RAD51B: variants seen among roughly 807,000 people sequenced by gnomAD.
RAD51B encodes the protein DNA repair protein RAD51 homolog 2.
RAD51B carries 38 observed loss-of-function variants against 42.2 expected under a neutral mutation model. The observed-to-expected ratio is 0.90, with a 90% CI of 0.70 to 1.18. The LOEUF (loss-of-function observed/expected upper bound fraction) is 1.18, where lower values mean the gene tolerates loss of function less well. Ranked by LOEUF, RAD51B falls within the 50% of genes most tolerant of loss-of-function variation. The probability of loss-of-function intolerance (pLI) is 0.00; values close to 1 mark genes in which losing one functional copy is unlikely to be tolerated. For synonymous variants in RAD51B, 154 were observed against 145.2 expected (o/e 1.06, Z -0.43); for missense variants, 373 against 400.7 (o/e 0.93, Z 0.59).
intron 7 of RAD51B, among the ~76,000 whole-genome samples, chr14:68,161,512 C>A (rs564732814): frequency 6.6e-6 from 1 of 152,262 alleles, no homozygotes; most frequent in South Asian, 2.1e-4. Context: ...TTCATGTGTT[C>A]AACCCTGGGT....
intron 7 of RAD51B, among the ~76,000 whole-genome samples, chr14:67,924,803 C>G (rs1227383741): frequency 6.6e-6 from 1 of 152,196 alleles, no homozygotes; most frequent in Non-Finnish European, 1.5e-5. Flanking sequence ...CCTCACATTT[C>G]AAAACCAATC....
intron 7 of RAD51B, among the ~76,000 whole-genome samples, chr14:67,950,768 CT>C (rs2074428960): frequency 6.6e-6 from 1 of 152,148 alleles, no homozygotes; most frequent in Non-Finnish European, 1.5e-5. Context: ...GTTCCTCTTT[CT>C]TGAACATTTA....
intron 8 of RAD51B, among the ~76,000 whole-genome samples, chr14:68,406,489 A>G (rs1435881211): frequency 4.6e-5 from 7 of 152,192 alleles, no homozygotes; most frequent in Non-Finnish European, 1.0e-4. Flanking sequence ...TAAAAATGGT[A>G]CACCTGTGTA....
At chr14:68,313,581 G>C (rs999929273) in intron 8 of RAD51B, among the ~76,000 whole-genome samples, 2 of 152,174 alleles carry the variant, frequency 1.3e-5, no homozygotes, top group Non-Finnish European at 2.9e-5. Flanking sequence ...CTTGTCTGCT[G>C]TGCAAACTTG....
intron 7 of RAD51B, among the ~76,000 whole-genome samples, chr14:67,954,139 A>C (rs2074504462): frequency 6.6e-6 from 1 of 152,144 alleles, no homozygotes; most frequent in African/African-American, 2.4e-5. Flanking sequence ...GTAACGCTCT[A>C]ACTCAAATTA....
chr14:68,191,029 C>G (rs1595531306), intron 7 of RAD51B, among the ~76,000 whole-genome samples: 2 of 56,670 alleles, frequency 3.5e-5, no homozygotes, highest in East Asian at 3.7e-3. Context: ...TATATTACTA[C>G]AAGCTTTTTT....
At chr14:68,494,837 A>T (rs1884379614) in intron 10 of RAD51B, among the ~76,000 whole-genome samples, 1 of 151,992 alleles carries the variant, frequency 6.6e-6, no homozygotes, top group Non-Finnish European at 1.5e-5. Flanking sequence ...AAGCCCAGCA[A>T]GCAGAGTATG....
intron 10 of RAD51B, among the ~76,000 whole-genome samples, chr14:68,515,161 T>C (rs1241627005): frequency 3.3e-5 from 5 of 152,242 alleles, no homozygotes; most frequent in African/African-American, 1.2e-4. Flanking sequence ...CTTACTAACC[T>C]TTCCTTTAGT....
chr14:68,375,254 C>T (rs1396340956), intron 8 of RAD51B, among the ~76,000 whole-genome samples: 6 of 151,996 alleles, frequency 3.9e-5, no homozygotes, highest in South Asian at 2.1e-4. Context: ...CCTCCTTCCC[C>T]GCTCTCAGCT....
chr14:68,168,236 A>T (rs2078793983), intron 7 of RAD51B, among the ~76,000 whole-genome samples: 1 of 151,952 alleles, frequency 6.6e-6, no homozygotes, highest in Non-Finnish European at 1.5e-5. Flanking sequence ...CTAGAATTTT[A>T]CTCCTTTTAA....
chr14:68,545,648 C>T (rs1433132715), intron 10 of RAD51B: 1 of 455,790 alleles, frequency 2.2e-6, no homozygotes, highest in Non-Finnish European at 4.4e-6. Flanking sequence ...CAGGGCATGC[C>T]TATAGACACC....
At chr14:67,827,262 T>G (rs2040865877) in intron 3 of RAD51B, among the ~76,000 whole-genome samples, 1 of 152,198 alleles carries the variant, frequency 6.6e-6, no homozygotes, top group African/African-American at 2.4e-5. Flanking sequence ...TTCTAATTAG[T>G]CAATATCCAT....
At position 68,099,705 on chromosome 14, in the gene RAD51B, T is replaced by C. The variant is rs1456985839; in HGVS notation, c.757-192179T>C. Among the ~76,000 whole-genome samples the C allele has an allele frequency of 2.0e-5, 3 of 152,204 alleles. No individual in the cohort carries two copies. In the East Asian group the frequency reaches 5.8e-4, roughly 29 times the overall value. Reference sequence around the variant, plus strand: ...AATTTGCAAATTCGTTTTCTTCTGGTGGCAGCTGACAGGTGGAATGACAAC... The same window carrying C: ...AATTTGCAAATTCGTTTTCTTCTGGCGGCAGCTGACAGGTGGAATGACAAC... On this transcript the variant is annotated intron_variant, in intron 7 of 10. Coordinates refer to ENST00000471583, the MANE Select transcript of RAD51B (RefSeq NM_133510.4).
chr14:68,217,696 A>C (rs1566736332), intron 7 of RAD51B, among the ~76,000 whole-genome samples: 4 of 152,200 alleles, frequency 2.6e-5, no homozygotes, highest in Admixed American at 2.0e-4. Flanking sequence ...GGGCCAAATT[A>C]AATTTAATAT....
chr14:68,230,936 A>G (rs560969668), intron 7 of RAD51B, among the ~76,000 whole-genome samples: 1 of 152,362 alleles, frequency 6.6e-6, no homozygotes, highest in East Asian at 1.9e-4. Flanking sequence ...AGGGCCAGTC[A>G]TTGGAGTTAA....
At chr14:68,420,620 C>T (rs1303433907) in intron 9 of RAD51B, among the ~76,000 whole-genome samples, 5 of 152,154 alleles carry the variant, frequency 3.3e-5, no homozygotes, top group East Asian at 3.9e-4. Flanking sequence ...CATGCTAATG[C>T]ATTATAATTA....
chr14:67,909,718 G>T (rs528215243), intron 7 of RAD51B, among the ~76,000 whole-genome samples: 1 of 152,278 alleles, frequency 6.6e-6, no homozygotes, highest in South Asian at 2.1e-4. Flanking sequence ...GGTCTCTGTT[G>T]CACAGGCTGG....
rs538755403 is a variant in RAD51B, at chr14:68,655,289, G to A, written c.*11+4433G>A. Reference sequence around the variant, plus strand: ...TGGTTTCTGATTCACCCCGGGCCACGGCAGCCTGAGCAGGTTCACAGCTGC... The same window carrying A: ...TGGTTTCTGATTCACCCCGGGCCACAGCAGCCTGAGCAGGTTCACAGCTGC... On this transcript the variant is annotated intron_variant, in intron 11 of 11. Coordinates refer to the RAD51B transcript ENST00000488612. Among the ~76,000 whole-genome samples the A allele has an allele frequency of 3.9e-5, 6 of 152,168 alleles. No individual in the cohort carries two copies. The South Asian group carries it at 1.0e-3, about 26-fold the overall frequency.
At chr14:68,654,555 T>C (rs1892770475) in intron 11 of RAD51B, among the ~76,000 whole-genome samples, 1 of 152,156 alleles carries the variant, frequency 6.6e-6, no homozygotes, top group Non-Finnish European at 1.5e-5. Flanking sequence ...GGAAGAGAAC[T>C]CCCCGCCCCA....
Sources: allele counts gnomAD v4.1 joint callset (sites outside exome capture counted in the v4.1 genomes callset), GRCh38; gene constraint gnomAD v4.1.1; transcripts MANE v1.5; gene names NCBI Gene and HGNC (gene_info 2026-07-23, HGNC 2026-07-21).